The following SH3RF1 variants were observed in gnomAD, a reference collection of about 807,000 sequenced individuals.
SH3RF1 encodes the protein SH3 domain containing ring finger 1.
Under a neutral mutation model 74.0 loss-of-function variants are expected in SH3RF1, and 32 were observed. That is an observed-to-expected ratio of 0.43 (90% confidence interval 0.33 to 0.58). The LOEUF is 0.58. Ranked by LOEUF, SH3RF1 falls within the 20% of genes least tolerant of loss-of-function variation. SH3RF1 has a pLI of 0.05. For missense variants in SH3RF1, 954 were observed against 1,130.9 expected (o/e 0.84, Z 2.24); for synonymous variants, 396 against 439.6 (o/e 0.90, Z 1.24).
Position 169,230,756 on chromosome 4 carries a change from A to G in SH3RF1, c.393+38064T>C, listed in dbSNP as rs188167876. Among the ~76,000 whole-genome samples the G allele has an allele frequency of 6.9e-4, 104 of 151,682 alleles. No homozygotes were observed. The East Asian group carries it at 0.011, about 17-fold the overall frequency. On this transcript the variant is annotated intron_variant, in intron 2 of 11. Transcript: ENST00000284637. ...CACCTGTAGTCCCAGCTACTCAGGA[A>G]GCTGAAGGAGAATCATTTGAACCCA...
intron 2 of SH3RF1, among the ~76,000 whole-genome samples, chr4:169,170,836 G>A (rs2126973080): frequency 6.6e-6 from 1 of 152,254 alleles, no homozygotes; most frequent in East Asian, 1.9e-4. Flanking sequence ...GAAAAGAAGA[G>A]CTGAAAAATG....
At chr4:169,207,740 C>T (rs950089294) in intron 2 of SH3RF1, among the ~76,000 whole-genome samples, 2 of 152,192 alleles carry the variant, frequency 1.3e-5, no homozygotes, top group East Asian at 1.9e-4. Flanking sequence ...TCTACATCTA[C>T]GTAAGACACT....
intron 2 of SH3RF1, among the ~76,000 whole-genome samples, chr4:169,182,085 GT>G (rs1203714575): frequency 6.6e-6 from 1 of 152,170 alleles, no homozygotes; most frequent in African/African-American, 2.4e-5. Flanking sequence ...TGGAGATTTT[GT>G]GACTTAAGTG....
chr4:169,249,215 G>A lies in SH3RF1; in HGVS notation c.393+19605C>T, dbSNP rs181763959. On this transcript the variant is annotated intron_variant, in intron 2 of 11. Transcript: ENST00000284637. ...TGCACTCCAGCCTGGGCAACAGAGC[G>A]AGACTCCGTCTCAAAAAAAGAAAAA... 2.2e-3 allele frequency among the ~76,000 whole-genome samples: 335 copies of A among 152,168 alleles called. 3 individuals carry two copies. The highest frequency in any genetic ancestry group is 7.8e-3 in the African/African-American group (326 of 41,530).
At chr4:169,249,463 T>C (rs1474560850) in intron 2 of SH3RF1, among the ~76,000 whole-genome samples, 1 of 152,220 alleles carries the variant, frequency 6.6e-6, no homozygotes, top group East Asian at 1.9e-4. Context: ...TCCCAGTCTC[T>C]AGAACTGTGA....
chr4:169,136,160 T>A (rs867968673), intron 5 of SH3RF1, among the ~76,000 whole-genome samples, 158 bp downstream of exon 5: 9 of 152,226 alleles, frequency 5.9e-5, no homozygotes, highest in Admixed American at 3.9e-4. Flanking sequence ...TCTCCATTTT[T>A]CCACTTACAA....
chr4:169,251,335 C>T (rs1262104091), intron 2 of SH3RF1, among the ~76,000 whole-genome samples: 3 of 152,222 alleles, frequency 2.0e-5, no homozygotes, highest in Non-Finnish European at 4.4e-5. Flanking sequence ...CTGTAACACA[C>T]ATTCCTCTCA....
At chr4:169,191,891 C>G (rs1365449971) in intron 2 of SH3RF1, among the ~76,000 whole-genome samples, 1 of 152,082 alleles carries the variant, frequency 6.6e-6, no homozygotes, top group Non-Finnish European at 1.5e-5. Flanking sequence ...CAAATCAACT[C>G]AAGATGGATT....
intron 10 of SH3RF1, among the ~76,000 whole-genome samples, chr4:169,109,899 C>T (rs920248946): frequency 1.3e-5 from 2 of 151,594 alleles, no homozygotes; most frequent in African/African-American, 4.8e-5. Context: ...GTCCCATCTA[C>T]TCCGGAGCCT....
chr4:169,099,856 G>A (rs547551652), intron 11 of SH3RF1, among the ~76,000 whole-genome samples: 1 of 152,172 alleles, frequency 6.6e-6, no homozygotes, highest in East Asian at 1.9e-4. Context: ...GGGGGCGGGT[G>A]GAATGAGAAA....
At chr4:169,128,182 C>T (rs1412658882) in intron 6 of SH3RF1, among the ~76,000 whole-genome samples, 1 of 152,160 alleles carries the variant, frequency 6.6e-6, no homozygotes, top group Non-Finnish European at 1.5e-5. Context: ...AAAATATCAA[C>T]TCATTGTGTA....
At chr4:169,230,905 T>C (rs6852230) in intron 2 of SH3RF1, among the ~76,000 whole-genome samples, 4,133 of 150,978 alleles carry the variant, frequency 0.027, 221 homozygotes, top group Admixed American at 0.14. Context: ...AAAAATTCTA[T>C]TAAAATGACA....
chr4:169,115,365 C>G (rs931579129), intron 10 of SH3RF1, among the ~76,000 whole-genome samples: 5 of 152,166 alleles, frequency 3.3e-5, no homozygotes, highest in Non-Finnish European at 5.9e-5. Context: ...CAGCCGCTCC[C>G]CATCACTTGC....
rs1731398845 is a variant in SH3RF1, at chr4:169,268,915, G to C, written c.298C>G (p.Gln100Glu). The C allele has an allele frequency of 6.2e-7, 1 of 1,613,846 alleles. No homozygotes were observed. Among genetic ancestry groups the C allele is most frequent in the Non-Finnish European group, 8.5e-7 (1 of 1,180,038 alleles). The change falls in exon 2 of 12, where the codon CAG (glutamine) becomes GAG (glutamate). Residue 100 changes from glutamine (Q) to glutamate (E), a missense_variant. This residue lies in a region of SH3RF1 where 854 missense variants were observed against 962.5 expected (regional missense o/e 0.89). Transcript: ENST00000284637. ...CTACAATTAGCCACAGTGCTGCTCT[G>C]AGACCTTAATGCATTTGTGCAGTTG... ...GTNCTNALRS[Q>E]SSTVANCSSK...
chr4:169,186,714 G>A (rs1468138083), intron 2 of SH3RF1, among the ~76,000 whole-genome samples: 7 of 150,904 alleles, frequency 4.6e-5, no homozygotes, highest in Non-Finnish European at 1.0e-4. Context: ...CCCATTACAA[G>A]TCATATTAAG....
At chr4:169,153,214 C>G (rs1579109459) in intron 4 of SH3RF1, among the ~76,000 whole-genome samples, 1 of 152,140 alleles carries the variant, frequency 6.6e-6, no homozygotes, top group African/African-American at 2.4e-5. Flanking sequence ...CTAATCTGAG[C>G]TCCAAACCAC....
chr4:169,184,103 G>C (rs1734565392), intron 2 of SH3RF1, among the ~76,000 whole-genome samples: 1 of 152,218 alleles, frequency 6.6e-6, no homozygotes, highest in Admixed American at 6.5e-5. Context: ...TCACATGAAT[G>C]CATGGACTGC....
At chr4:169,177,949 T>G (rs897387971) in intron 2 of SH3RF1, among the ~76,000 whole-genome samples, 1 of 152,020 alleles carries the variant, frequency 6.6e-6, no homozygotes, top group Non-Finnish European at 1.5e-5. Context: ...GCAAGATCCT[T>G]GAGAGTAAAA....
intron 4 of SH3RF1, among the ~76,000 whole-genome samples, chr4:169,151,698 C>G (rs1194494532): frequency 6.6e-6 from 1 of 152,170 alleles, no homozygotes; most frequent in Non-Finnish European, 1.5e-5. Flanking sequence ...CAACTTCAGG[C>G]CTTCTGCACA....
Sources: gnomAD v4.1 joint callset for allele counts (sites outside exome capture counted in the v4.1 genomes callset) on GRCh38, gnomAD v4.1.1 for gene constraint, gnomAD v4.1.1 regional missense constraint, MANE v1.5 for transcripts, NCBI Gene and HGNC (gene_info 2026-07-23, HGNC 2026-07-21) for gene names.